The following CLIP1 variants were observed in gnomAD, a reference collection of about 807,000 sequenced individuals.
CLIP1 encodes the protein CAP-Gly domain-containing linker protein 1.
CLIP1 carries 66 observed loss-of-function variants against 161.6 expected under a neutral mutation model. The ratio of observed to expected loss-of-function variants is 0.41; its 90% confidence interval spans 0.33 to 0.50. The LOEUF (loss-of-function observed/expected upper bound fraction) is 0.50. Ranked by LOEUF, CLIP1 falls within the 20% of genes least tolerant of loss-of-function variation. The pLI is 0.27. For missense variants in CLIP1, 1,376 were observed against 1,702.0 expected, an observed-to-expected ratio of 0.81 and a Z score of 3.37; for synonymous variants, 598 against 626.2, an observed-to-expected ratio of 0.96 and a Z score of 0.67.
chr12:122,292,860 G>A (rs932141380), intron 20 of CLIP1, among the ~76,000 whole-genome samples: 19 of 151,796 alleles, frequency 1.3e-4, no homozygotes, highest in Non-Finnish European at 2.4e-4. Flanking sequence ...AAAATTAGCC[G>A]GGCGCGGTGG....
At chr12:122,292,632 G>A (rs1182246460) in intron 20 of CLIP1, among the ~76,000 whole-genome samples, 2 of 152,086 alleles carry the variant, frequency 1.3e-5, no homozygotes, top group Non-Finnish European at 2.9e-5. Flanking sequence ...ATTGGTACTG[G>A]GTTTTGTTAC....
In CLIP1 at chr12:122,341,465, C is replaced by T. The variant is rs1050623431; in HGVS notation, c.1739G>A (p.Arg580Gln). 10 of 1,613,144 alleles carry T rather than the reference C, an allele frequency of 6.2e-6. No homozygotes were observed. Among genetic ancestry groups the T allele is most frequent in the African/African-American group, 1.3e-5 (1 of 74,828 alleles). ...ITSLKEHFGA[R>Q]EETHQKEIKA... is the part of the protein sequence containing the mutation. ...TATCTCCTTCTGATGAGTTTCTTCC[C>T]GGGCTCCAAAATGCTCCTTCAGAGA... The change falls in exon 11 of 26, where the codon CGG becomes CAG. Residue 580 changes from arginine (R) to glutamine (Q), a missense_variant. Arg to Gln is a conservative substitution (Grantham distance 43). Transcript: ENST00000620786.
At chr12:122,365,721 C>T (rs891001104) in intron 3 of CLIP1, 7 of 641,618 alleles carry the variant, frequency 1.1e-5, no homozygotes, top group Non-Finnish European at 1.9e-5. Flanking sequence ...TCAAAACAAA[C>T]TTGTGGCTGG....
chr12:122,354,678 A>T, intron 6 of CLIP1, 122 bp from the exon 7 acceptor site: 2 of 686,862 alleles, frequency 2.9e-6, no homozygotes, highest in South Asian at 3.6e-5. Context: ...ACCTTATGTT[A>T]AAAAGCTTTC....
chr12:122,410,140 G>A (rs1449960420), intron 1 of CLIP1, among the ~76,000 whole-genome samples: 1 of 152,112 alleles, frequency 6.6e-6, no homozygotes, highest in African/African-American at 2.4e-5. Context: ...CCAAAGTGCT[G>A]GGATTACAGG....
chr12:122,309,808 G>C lies in CLIP1; in HGVS notation c.3548C>G (p.Ala1183Gly). ...GTCCCTGCTTCTCCCCAGCTCCTCA[G>C]CAAGTTTAACGTTCTCTTCTTGCAA... ...SALQEENVKL[A>G]EELGRSRDEV... Residue 1183 changes from alanine to glycine, a missense_variant, in exon 20 of 26, where the codon GCT becomes GGT. Transcript: ENST00000620786. 1.9e-6 allele frequency: 3 copies of C among 1,613,488 alleles called. No individual in the cohort carries two copies. The highest frequency in any genetic ancestry group is 4.5e-5 in the East Asian group (2 of 44,884).
chr12:122,320,776 C>G (rs572153793), intron 17 of CLIP1, among the ~76,000 whole-genome samples: 3 of 151,072 alleles, frequency 2.0e-5, no homozygotes, highest in African/African-American at 7.3e-5. Flanking sequence ...GTGGTGCAAT[C>G]TCAGCTCACT....
intron 1 of CLIP1, among the ~76,000 whole-genome samples, chr12:122,399,120 C>T (rs1031179952): frequency 2.0e-5 from 3 of 151,984 alleles, no homozygotes; most frequent in African/African-American, 7.2e-5. Context: ...TGTCATGGTT[C>T]AAATAAATAA....
intron 3 of CLIP1, among the ~76,000 whole-genome samples, chr12:122,366,179 C>T (rs547750400): frequency 2.6e-5 from 4 of 151,770 alleles, no homozygotes; most frequent in South Asian, 4.2e-4. Flanking sequence ...TGGTGGCTCA[C>T]GCCTGTAGTC....
intron 20 of CLIP1, among the ~76,000 whole-genome samples, chr12:122,293,913 TC>T (rs1447238588): frequency 2.6e-5 from 4 of 151,404 alleles, no homozygotes; most frequent in Non-Finnish European, 4.4e-5. Flanking sequence ...CACACCATTC[TC>T]CTGCCTCAGC....
At chr12:122,316,215 CTTT>C (rs879515742) in intron 19 of CLIP1, among the ~76,000 whole-genome samples, 2 of 141,926 alleles carry the variant, frequency 1.4e-5, no homozygotes, top group African/African-American at 2.6e-5. Context: ...CGAGTCACTT[CTTT>C]TTTTTTTTTT....
intron 1 of CLIP1, among the ~76,000 whole-genome samples, chr12:122,409,888 TGAGAC>T (rs1956466600): frequency 1.3e-5 from 2 of 150,446 alleles, no homozygotes; most frequent in Non-Finnish European, 3.0e-5. Context: ...TTTTTTTTTT[TGAGAC>T]TGAGTCTTGC....
In CLIP1 at chr12:122,380,566, G is replaced by A. The variant is rs570915997; in HGVS notation, c.-106-8C>T. ...TCAGTCTCTGGATTAAATCTGCAAA[G>A]AGAAAGAAATAAAAAGATTTTATAA... On this transcript the variant is annotated splice_region_variant and splice_polypyrimidine_tract_variant and intron_variant, in intron 1 of 25. Transcript: ENST00000620786. 287 of 558,898 alleles carry A rather than the reference G, an allele frequency of 5.1e-4. 4 individuals are homozygous for A. In the South Asian group the frequency reaches 7.2e-3, roughly 14 times the overall value. 34.6% of individuals were successfully genotyped at this position (558,898 alleles called of 1,614,324 possible).
chr12:122,365,677 TA>T (rs34314261), intron 3 of CLIP1: 27,802 of 567,940 alleles, frequency 0.049, no homozygotes, highest in Non-Finnish European at 0.055. Flanking sequence ...CTGGGCTATT[TA>T]AAAAAAAAAA....
intron 7 of CLIP1, among the ~76,000 whole-genome samples, chr12:122,353,706 C>T (rs1403506080): frequency 2.6e-5 from 4 of 152,070 alleles, no homozygotes; most frequent in Non-Finnish European, 5.9e-5. Flanking sequence ...TCTCGGCTCA[C>T]TGCCACCTCT....
At chr12:122,282,791 A>T (rs1566073362) in intron 21 of CLIP1, among the ~76,000 whole-genome samples, 1 of 152,166 alleles carries the variant, frequency 6.6e-6, no homozygotes, top group East Asian at 1.9e-4. Context: ...AAATATATGA[A>T]ATTTATTTAT....
chr12:122,310,357 C>G (rs1593034825), intron 19 of CLIP1, among the ~76,000 whole-genome samples: 2 of 152,170 alleles, frequency 1.3e-5, no homozygotes, highest in African/African-American at 4.8e-5. Context: ...GTCCCATTTA[C>G]CAGTATCTGT....
Position 122,354,517 on chromosome 12 carries a change from T to C in CLIP1, c.1243A>G (p.Thr415Ala), listed in dbSNP as rs1840711791. 6.2e-7 allele frequency: 1 copy of C among 1,613,952 alleles called. No individual in the cohort carries two copies. Among genetic ancestry groups the C allele is most frequent in the Non-Finnish European group, 8.5e-7 (1 of 1,179,904 alleles). The change falls in exon 7 of 26, where the codon ACA becomes GCA. Residue 415 changes from threonine to alanine, a missense_variant. Physicochemically the swap from Thr to Ala is moderately conservative, Grantham distance 58 (BLOSUM62 0). Transcript: ENST00000620786. ...TCCCTGTCAGCAGCTTCCACCATTGTTCGCAGCTGGTCCATTTTGGCTTCC... is the reference window on the plus strand; with the variant it reads ...TCCCTGTCAGCAGCTTCCACCATTGCTCGCAGCTGGTCCATTTTGGCTTCC... ...ELEAKMDQLR[T>A]MVEAADREKV...
At chr12:122,388,794 T>G (rs1955448646) in intron 1 of CLIP1, among the ~76,000 whole-genome samples, 1 of 151,776 alleles carries the variant, frequency 6.6e-6, no homozygotes, top group Non-Finnish European at 1.5e-5. Flanking sequence ...AGGCTGGTTT[T>G]AAACTCCTAG....
Sources: gnomAD v4.1 joint callset for allele counts (sites outside exome capture counted in the v4.1 genomes callset) on GRCh38, gnomAD v4.1.1 for gene constraint, MANE v1.5 for transcripts, NCBI Gene and HGNC (gene_info 2026-07-23, HGNC 2026-07-21) for gene names.